Variants in PEBP4 observed in about 807,000 individuals in gnomAD.
PEBP4 encodes the protein phosphatidylethanolamine-binding protein 4.
A neutral mutation model predicts 23.9 loss-of-function variants in PEBP4; 22 were observed. The observed-to-expected ratio is 0.92, with a 90% CI of 0.66 to 1.31. PEBP4 has a LOEUF of 1.31. Ranked by LOEUF, PEBP4 falls within the 40% of genes most tolerant of loss-of-function variation. The pLI, the probability that PEBP4 is intolerant of heterozygous loss-of-function variation, is 0.00. For missense variants in PEBP4, 324 were observed against 281.7 expected, an observed-to-expected ratio of 1.15 and a Z score of -1.07; for synonymous variants, 112 against 99.3, an observed-to-expected ratio of 1.13 and a Z score of -0.76.
chr8:22,774,915 T>C (rs1267771563), intron 4 of PEBP4, among the ~76,000 whole-genome samples: 1 of 152,118 alleles, frequency 6.6e-6, no homozygotes, highest in African/African-American at 2.4e-5. Context: ...TCCCCTGTCC[T>C]CCCGTGCCCT....
chr8:22,810,688 G>A (rs1031387146), intron 4 of PEBP4, among the ~76,000 whole-genome samples: 16 of 150,474 alleles, frequency 1.1e-4, no homozygotes, highest in Middle Eastern at 3.4e-3. Flanking sequence ...GTGTGTGTGT[G>A]TGTGTGTGTG....
At chr8:22,905,141 A>G (rs1012570691) in intron 3 of PEBP4, among the ~76,000 whole-genome samples, 5 of 152,214 alleles carry the variant, frequency 3.3e-5, no homozygotes, top group Non-Finnish European at 7.3e-5. Context: ...AAGAACACAA[A>G]CTGTCATTTA....
chr8:22,740,020 C>T (rs1470854128), intron 4 of PEBP4, among the ~76,000 whole-genome samples: 1 of 152,164 alleles, frequency 6.6e-6, no homozygotes, highest in Admixed American at 6.5e-5. Context: ...TGTCTCCCTC[C>T]TTTGCCCTAT....
chr8:22,857,916 C>T (rs1264154022), intron 3 of PEBP4, among the ~76,000 whole-genome samples: 1 of 152,194 alleles, frequency 6.6e-6, no homozygotes, highest in East Asian at 1.9e-4. Flanking sequence ...AATTGTCCGT[C>T]ACCTGACTTA....
intron 3 of PEBP4, among the ~76,000 whole-genome samples, chr8:22,905,973 A>C (rs559148278): frequency 9.8e-5 from 15 of 152,328 alleles, no homozygotes; most frequent in Admixed American, 7.8e-4. Flanking sequence ...AAGGAATCCA[A>C]TTCCAAACCT....
intron 4 of PEBP4, among the ~76,000 whole-genome samples, chr8:22,732,147 G>A (rs1443049086): frequency 6.9e-6 from 1 of 145,106 alleles, no homozygotes; most frequent in Admixed American, 7.0e-5. Context: ...GACATTCTGG[G>A]CCTTCTAAGT....
At chr8:22,830,300 TTG>T (rs557261932) in intron 3 of PEBP4, among the ~76,000 whole-genome samples, 39 of 148,560 alleles carry the variant, frequency 2.6e-4, no homozygotes, top group African/African-American at 7.9e-4. Context: ...TGGCTAATTT[TTG>T]TGTGTGTGTG....
intron 4 of PEBP4, among the ~76,000 whole-genome samples, chr8:22,793,359 TG>T (rs1403504490): frequency 1.3e-4 from 20 of 151,878 alleles, no homozygotes; most frequent in Non-Finnish European, 2.8e-4. Context: ...CTCTGCCTCC[TG>T]GGTTCAAGTG....
At chr8:22,920,365 T>C in intron 2 of PEBP4, 55 bp from the exon 3 acceptor site, 7 of 1,564,408 alleles carry the variant, frequency 4.5e-6, no homozygotes, top group Non-Finnish European at 6.1e-6. Context: ...GAGCCTGGGG[T>C]TCCCAAGGCT....
chr8:22,840,164 A>G (rs902720550), intron 3 of PEBP4, among the ~76,000 whole-genome samples: 13 of 152,168 alleles, frequency 8.5e-5, no homozygotes, highest in Non-Finnish European at 1.5e-4. Flanking sequence ...AACCGTGATC[A>G]CAGTGTAAAA....
At chr8:22,837,935 G>A (rs937529130) in intron 3 of PEBP4, among the ~76,000 whole-genome samples, 2 of 92,998 alleles carry the variant, frequency 2.2e-5, no homozygotes, top group African/African-American at 4.4e-5. Flanking sequence ...GTCTTGCTCT[G>A]TTGCCCAAGC....
chr8:22,727,707 A>G (rs540011210), intron 4 of PEBP4, among the ~76,000 whole-genome samples: 2 of 152,192 alleles, frequency 1.3e-5, no homozygotes, highest in Non-Finnish European at 2.9e-5. Context: ...AATATTAAGC[A>G]ATGGGCTCAG....
chr8:22,713,374 C>T lies in PEBP4; in HGVS notation c.680G>A (p.Cys227Tyr). 1 of 1,584,910 alleles carries T rather than the reference C, an allele frequency of 6.3e-7. No homozygotes were observed. The highest frequency in any genetic ancestry group is 8.6e-7 in the Non-Finnish European group (1 of 1,166,752). ...CCGGATGGCAAAGCCGGCTATCTAG[C>T]AGGCAGCTATCTCCGCCTGGTTTTT... is the stretch of plus-strand genomic sequence containing the variant. Reference protein sequence around the residue: ...KHKNQAEIAAC With the variant: ...KHKNQAEIAAY Residue 227 changes from cysteine to tyrosine, a missense_variant, in exon 7 of 7, where the codon TGC becomes TAC. Coordinates refer to ENST00000256404, the MANE Select transcript of PEBP4 (RefSeq NM_144962.3).
At chr8:22,736,583 G>A (rs1804864739) in intron 4 of PEBP4, among the ~76,000 whole-genome samples, 1 of 152,132 alleles carries the variant, frequency 6.6e-6, no homozygotes, top group Admixed American at 6.5e-5. Flanking sequence ...TTCCAGCTTG[G>A]GTGACAGAGT....
intron 3 of PEBP4, among the ~76,000 whole-genome samples, chr8:22,876,290 G>A (rs747539892): frequency 6.6e-5 from 10 of 152,306 alleles, no homozygotes; most frequent in Non-Finnish European, 1.3e-4. Context: ...CAACGGTGGC[G>A]TGTCTACTGG....
chr8:22,927,938 A>T, upstream of PEBP4: 1 of 524,184 alleles, frequency 1.9e-6, no homozygotes, highest in Admixed American at 3.6e-5. Flanking sequence ...GTTGGACTCA[A>T]TGTACGTTCC....
intron 1 of PEBP4, among the ~76,000 whole-genome samples, chr8:22,936,836 A>C (rs990770773): frequency 6.6e-6 from 1 of 152,256 alleles, no homozygotes; most frequent in Admixed American, 6.5e-5. Flanking sequence ...CCACATTAAT[A>C]GAATGAAGGA....
chr8:22,718,964 G>A (rs1804466954), intron 6 of PEBP4, among the ~76,000 whole-genome samples: 1 of 152,154 alleles, frequency 6.6e-6, no homozygotes, highest in Admixed American at 6.5e-5. Flanking sequence ...GGGCTCTGCT[G>A]CCCTTGGCCC....
At chr8:22,873,162 T>G (rs1341809496) in intron 3 of PEBP4, among the ~76,000 whole-genome samples, 1 of 152,166 alleles carries the variant, frequency 6.6e-6, no homozygotes, top group Non-Finnish European at 1.5e-5. Flanking sequence ...GCTGGTACAG[T>G]TATTGGCGAG....
Sources: gnomAD v4.1 joint callset for allele counts (sites outside exome capture counted in the v4.1 genomes callset) on GRCh38, gnomAD v4.1.1 for gene constraint, MANE v1.5 for transcripts, NCBI Gene and HGNC (gene_info 2026-07-23, HGNC 2026-07-21) for gene names.